Variants in KIF26B observed in about 807,000 individuals in gnomAD.
The protein encoded by KIF26B is kinesin-like protein KIF26B.
KIF26B carries 63 observed loss-of-function variants against 151.2 expected under a neutral mutation model. The observed-to-expected ratio is 0.42, with a 90% CI of 0.34 to 0.51. The LOEUF (loss-of-function observed/expected upper bound fraction) is 0.51, where lower values mean the gene tolerates loss of function less well. Ranked by LOEUF, KIF26B falls within the 20% of genes least tolerant of loss-of-function variation. The probability of loss-of-function intolerance (pLI) is 0.07; values close to 1 mark genes in which losing one functional copy is unlikely to be tolerated. For missense variants in KIF26B, 2,813 were observed against 2,913.6 expected, an observed-to-expected ratio of 0.97 and a Z score of 0.79; for synonymous variants, 1,357 against 1,262.1, an observed-to-expected ratio of 1.08 and a Z score of -1.59.
At chr1:245,337,605 G>A (rs897678912) in intron 2 of KIF26B, among the ~76,000 whole-genome samples, 2 of 151,404 alleles carry the variant, frequency 1.3e-5, no homozygotes, top group South Asian at 2.1e-4. Flanking sequence ...TTTGGTTCAC[G>A]AATGTAGTCC....
At chr1:245,390,865 C>A (rs1673668045) in intron 3 of KIF26B, among the ~76,000 whole-genome samples, 1 of 127,848 alleles carries the variant, frequency 7.8e-6, no homozygotes, top group Admixed American at 1.0e-4. Context: ...GCAGGAGGAT[C>A]ACTCAAGTCT....
At chr1:245,261,420 C>A (rs550012534) in intron 2 of KIF26B, among the ~76,000 whole-genome samples, 1 of 151,542 alleles carries the variant, frequency 6.6e-6, no homozygotes, top group African/African-American at 2.4e-5. Flanking sequence ...CATGAGCCAC[C>A]GCGCCCAGCT....
At chr1:245,295,294 G>T (rs1671318119) in intron 2 of KIF26B, among the ~76,000 whole-genome samples, 1 of 152,168 alleles carries the variant, frequency 6.6e-6, no homozygotes, top group Non-Finnish European at 1.5e-5. Flanking sequence ...AATTCAGTCA[G>T]TTTTTTAATT....
Position 245,564,385 on chromosome 1 carries a change from C to G in KIF26B, c.1350+23435C>G, listed in dbSNP as rs973663201. 6.6e-6 allele frequency among the ~76,000 whole-genome samples: 1 copy of G among 151,980 alleles called. No individual in the cohort carries two copies. The highest frequency in any genetic ancestry group is 1.5e-5 in the Non-Finnish European group (1 of 67,954). ...ACGGAGACCTTTCCCGGAGCAGGAA[C>G]GGGGCCACGGCCGTGTTTGCATTTT... On this transcript the variant is annotated intron_variant, in intron 5 of 14. Coordinates refer to ENST00000407071, the MANE Select transcript of KIF26B (RefSeq NM_018012.4). The surrounding 1 kb of genome is among the most constrained non-coding windows in gnomAD (Gnocchi z 4.6).
At chr1:245,223,569 AAG>A (rs1404644993) in intron 2 of KIF26B, among the ~76,000 whole-genome samples, 1 of 152,180 alleles carries the variant, frequency 6.6e-6, no homozygotes, top group Non-Finnish European at 1.5e-5. Context: ...CCATAGAAAA[AAG>A]TTAGAACAGT....
intron 10 of KIF26B, among the ~76,000 whole-genome samples, chr1:245,665,999 C>CTTTTTTT (rs33957488): frequency 1.2e-4 from 13 of 107,412 alleles, no homozygotes; most frequent in East Asian, 2.9e-4. Context: ...ACATTATGTC[C>CTTTTTTT]TTTTTTTTTT....
rs909868982 is a variant in KIF26B, at chr1:245,605,323, C to T, written c.1558-2328C>T. ...GGCAAACTCAGCCCCACAGGGTGGG[C>T]ACCCCTGGAGCCCCCAAGCCTGAAA... On this transcript the variant is annotated intron_variant, in intron 6 of 14. Coordinates refer to ENST00000407071, the MANE Select transcript of KIF26B (RefSeq NM_018012.4). Among the ~76,000 whole-genome samples the T allele has an allele frequency of 3.4e-4, 52 of 152,192 alleles. 2 individuals are homozygous for T. Among genetic ancestry groups the T allele is most frequent in the Non-Finnish European group, 4.4e-5 (3 of 68,038 alleles).
chr1:245,396,639 A>C lies in KIF26B; in HGVS notation c.1000-22940A>C, dbSNP rs12066070. Among the ~76,000 whole-genome samples, 446 of 151,266 alleles carry C rather than the reference A, an allele frequency of 2.9e-3. 2 individuals are homozygous for C. Among genetic ancestry groups the C allele is most frequent in the African/African-American group, 0.011 (430 of 40,674 alleles). ...GACAACAGTGAAACTCCATCTCAAA[A>C]AAAAAACAAAAAACAAAAAAAAAAC... is the stretch of plus-strand genomic sequence containing the variant. On this transcript the variant is annotated intron_variant, in intron 3 of 14. Transcript: ENST00000407071.
chr1:245,541,545 ATTCT>A (rs1661621704), intron 5 of KIF26B, among the ~76,000 whole-genome samples: 2 of 152,238 alleles, frequency 1.3e-5, no homozygotes, highest in Admixed American at 1.3e-4. Flanking sequence ...TCATTTCTAA[ATTCT>A]TTCTCCCTTC....
rs1207781669 is a variant in KIF26B at position 245,580,095 on chromosome 1, T to C, written c.1351-22482T>C. 7.9e-5 allele frequency among the ~76,000 whole-genome samples: 12 copies of C among 152,300 alleles called. No individual in the cohort carries two copies. In the East Asian group the frequency reaches 2.3e-3, roughly 29 times the overall value. On this transcript the variant is annotated intron_variant, in intron 5 of 14. Transcript: ENST00000407071. ...CGATAATCACTGTGTCAGCTGTCAT[T>C]ACCATAATGCTCTGAGCATAACTGC...
chr1:245,581,732 T>G (rs992141776), intron 5 of KIF26B, among the ~76,000 whole-genome samples: 2 of 152,146 alleles, frequency 1.3e-5, no homozygotes, highest in African/African-American at 4.8e-5. Context: ...TCACTTTACC[T>G]TTCTGGGTCT....
chr1:245,661,561 G>GTT (rs1234261236), intron 10 of KIF26B, among the ~76,000 whole-genome samples: 1 of 148,578 alleles, frequency 6.7e-6, no homozygotes, highest in Non-Finnish European at 1.5e-5. Context: ...TACACCCAAT[G>GTT]TTATATATAT....
At chr1:245,627,080 C>T (rs2043731604) in intron 9 of KIF26B, among the ~76,000 whole-genome samples, 1 of 152,130 alleles carries the variant, frequency 6.6e-6, no homozygotes, top group African/African-American at 2.4e-5. Flanking sequence ...TATTGTGTCC[C>T]ATTGGTCTAT....
intron 9 of KIF26B, among the ~76,000 whole-genome samples, chr1:245,644,105 T>C (rs1361976409): frequency 1.3e-5 from 2 of 152,198 alleles, no homozygotes; most frequent in Non-Finnish European, 2.9e-5. Flanking sequence ...TGTCTTCTCC[T>C]TTAGGGACTC....
At chr1:245,245,282 T>A (rs1670304824) in intron 2 of KIF26B, among the ~76,000 whole-genome samples, 1 of 152,178 alleles carries the variant, frequency 6.6e-6, no homozygotes, top group South Asian at 2.1e-4. Flanking sequence ...GGTGGTCTAC[T>A]GATGATCAAA....
At chr1:245,174,364 G>A (rs1468405281) in intron 2 of KIF26B, among the ~76,000 whole-genome samples, 11 of 151,960 alleles carry the variant, frequency 7.2e-5, no homozygotes, top group African/African-American at 2.2e-4. Context: ...CAGATGTGGC[G>A]TGGTGTCTCT....
intron 4 of KIF26B, among the ~76,000 whole-genome samples, chr1:245,511,891 C>A (rs138231857): frequency 6.6e-6 from 1 of 152,252 alleles, no homozygotes; most frequent in Admixed American, 6.5e-5. Flanking sequence ...GAGAAAGGAA[C>A]GGCTATTTAA....
intron 10 of KIF26B, among the ~76,000 whole-genome samples, chr1:245,682,030 G>T (rs1224557540): frequency 6.6e-6 from 1 of 152,168 alleles, no homozygotes; most frequent in Non-Finnish European, 1.5e-5. Context: ...ATCGCCTGAG[G>T]TCAGGAGTTT....
chr1:245,302,175 AG>A (rs1228680655), intron 2 of KIF26B, among the ~76,000 whole-genome samples: 1 of 152,228 alleles, frequency 6.6e-6, no homozygotes, highest in African/African-American at 2.4e-5. Flanking sequence ...ATGTGACATC[AG>A]TCTATTTGCT....
Sources: allele counts gnomAD v4.1 joint callset (sites outside exome capture counted in the v4.1 genomes callset), GRCh38; gene constraint gnomAD v4.1.1; non-coding constraint Gnocchi (gnomAD v3.1); transcripts MANE v1.5; gene names NCBI Gene and HGNC (gene_info 2026-07-23, HGNC 2026-07-21).